Variants in IARS2 observed in about 807,000 individuals in gnomAD.
IARS2 encodes the protein isoleucine--tRNA ligase, mitochondrial.
IARS2 carries 56 observed loss-of-function variants against 126.3 expected under a neutral mutation model. That is an observed-to-expected ratio of 0.44 (90% CI 0.36 to 0.55). IARS2 has a LOEUF of 0.55. Among genes scored for constraint, IARS2 ranks in the 20% least tolerant of loss-of-function variants. The pLI, the probability that IARS2 is intolerant of heterozygous loss-of-function variation, is 0.00. For synonymous variants in IARS2, 407 were observed against 441.1 expected (o/e 0.92, Z 0.97); for missense variants, 1,127 against 1,245.9 (o/e 0.90, Z 1.44).
At chr1:220,141,070 G>C (rs1046050399) in intron 19 of IARS2, among the ~76,000 whole-genome samples, 1 of 151,982 alleles carries the variant, frequency 6.6e-6, no homozygotes, top group South Asian at 2.1e-4. Flanking sequence ...TCTGATTTGG[G>C]GCAACTTATT....
intron 1 of IARS2, among the ~76,000 whole-genome samples, chr1:220,095,432 A>G (rs538297511): frequency 5.3e-4 from 81 of 152,334 alleles, no homozygotes; most frequent in African/African-American, 1.9e-3. Context: ...TGGTTAAGTA[A>G]ATATACTTAG....
At chr1:220,113,587 CT>C (rs1656853249) in intron 11 of IARS2, among the ~76,000 whole-genome samples, 1 of 151,304 alleles carries the variant, frequency 6.6e-6, no homozygotes, top group African/African-American at 2.5e-5. Context: ...AGGAAGGGAG[CT>C]TTCTTGAGAG....
intron 13 of IARS2, among the ~76,000 whole-genome samples, chr1:220,126,106 CAAAAA>C (rs372363841): frequency 1.2e-5 from 1 of 81,464 alleles, no homozygotes; most frequent in Admixed American, 1.5e-4. Flanking sequence ...AACTCTGTCT[CAAAAA>C]AAAAAAAAAA....
intron 8 of IARS2, among the ~76,000 whole-genome samples, chr1:220,105,272 A>G (rs1041857279): frequency 6.6e-6 from 1 of 152,174 alleles, no homozygotes; most frequent in Non-Finnish European, 1.5e-5. Flanking sequence ...AGGATATTAA[A>G]GACTTCATTG....
intron 15 of IARS2, chr1:220,134,755 C>A: frequency 8.6e-5 from 21 of 244,152 alleles, no homozygotes; most frequent in South Asian, 1.7e-4. Flanking sequence ...TTATGTAGTT[C>A]TTTGTTGTTG....
intron 2 of IARS2, among the ~76,000 whole-genome samples, chr1:220,098,347 T>C (rs1017875389): frequency 6.6e-6 from 1 of 152,224 alleles, no homozygotes; most frequent in East Asian, 1.9e-4. Flanking sequence ...CTTCCTAGAA[T>C]GCATCACCAG....
Position 220,096,112 on chromosome 1 carries a change from A to T in IARS2, c.276A>T (p.Gly92=). Residue 92 remains glycine (G), a synonymous_variant, in exon 2 of 23, where the codon GGA becomes GGT. Transcript: ENST00000366922. ...DTELEIQQKC[G]FSELYSWQRE... ...TTTTTTTTTTAAAACAGAAATGTGG[A>T]TTTTCAGAACTTTATTCATGGCAAA... The T allele has an allele frequency of 6.8e-7, 1 of 1,460,362 alleles. No individual in the cohort carries two copies. The highest frequency in any genetic ancestry group is 9.5e-7 in the Non-Finnish European group (1 of 1,057,604). The allele number at this position is 1,460,362 out of a possible 1,614,324, so 90.5% of individuals were successfully genotyped here.
chr1:220,111,457 C>T (rs1248923083), intron 11 of IARS2, among the ~76,000 whole-genome samples: 1 of 151,896 alleles, frequency 6.6e-6, no homozygotes, highest in Non-Finnish European at 1.5e-5. Flanking sequence ...AAAAGAAAAA[C>T]TAACAATATG....
At chr1:220,146,275 G>C (rs1052597137) in intron 22 of IARS2, among the ~76,000 whole-genome samples, 4 of 152,134 alleles carry the variant, frequency 2.6e-5, no homozygotes, top group Non-Finnish European at 5.9e-5. Context: ...CCAGCATTTT[G>C]GGAGGCCGAG....
rs1395056481 is a variant in IARS2, at chr1:220,144,030, T to G, written c.2751+896T>G. On this transcript the variant is annotated intron_variant, in intron 21 of 22. Coordinates refer to ENST00000366922, the MANE Select transcript of IARS2 (RefSeq NM_018060.4). ...CTTCTTCATGGTCCATGATGCCAGCTGAGGTTGTCAGTACAATGAAACCAA... is the reference window on the plus strand; with the variant it reads ...CTTCTTCATGGTCCATGATGCCAGCGGAGGTTGTCAGTACAATGAAACCAA... 2.0e-6 allele frequency: 3 copies of G among 1,516,640 alleles called. No individual in the cohort carries two copies. The Admixed American group carries it at 5.0e-5, about 25-fold the overall frequency. The allele number at this position is 1,516,640 out of a possible 1,614,324, so 93.9% of individuals were successfully genotyped here.
chr1:220,124,922 T>C (rs573172518), intron 12 of IARS2, among the ~76,000 whole-genome samples: 1 of 152,312 alleles, frequency 6.6e-6, no homozygotes, highest in East Asian at 1.9e-4. Flanking sequence ...AAGGTAGAAC[T>C]GAGAGAATGT....
intron 12 of IARS2, among the ~76,000 whole-genome samples, chr1:220,124,700 C>T (rs934509325): frequency 6.6e-6 from 1 of 152,164 alleles, no homozygotes; most frequent in African/African-American, 2.4e-5. Context: ...GTGCAGATGC[C>T]TGTAAGCAGG....
chr1:220,110,013 C>T (rs1656764115), intron 10 of IARS2, among the ~76,000 whole-genome samples: 1 of 152,130 alleles, frequency 6.6e-6, no homozygotes, highest in South Asian at 2.1e-4. Flanking sequence ...CAGGAGAATC[C>T]CAGAGCACGC....
chr1:220,125,365 C>A, intron 13 of IARS2, 26 bp downstream of exon 13: 2 of 1,382,724 alleles, frequency 1.4e-6, no homozygotes, highest in Non-Finnish European at 2.1e-6. Flanking sequence ...TATTTAACAG[C>A]CTTTGTATGT....
intron 17 of IARS2, among the ~76,000 whole-genome samples, chr1:220,138,360 G>A (rs763753872): frequency 2.6e-5 from 4 of 152,024 alleles, no homozygotes; most frequent in Non-Finnish European, 5.9e-5. Context: ...AGTCCCAGCT[G>A]TTCGGGAGGC....
chr1:220,140,901 G>A (rs1037214205), intron 19 of IARS2, among the ~76,000 whole-genome samples: 8 of 149,528 alleles, frequency 5.4e-5, no homozygotes, highest in East Asian at 2.0e-4. Context: ...GGAGAATGGC[G>A]TGAACCCGGG....
chr1:220,119,981 G>C (rs1158894393), intron 12 of IARS2, among the ~76,000 whole-genome samples: 1 of 151,538 alleles, frequency 6.6e-6, no homozygotes, highest in African/African-American at 2.4e-5. Context: ...TGAACATTAA[G>C]TTTATCTTTG....
chr1:220,097,511 C>T (rs1030368226), intron 2 of IARS2, among the ~76,000 whole-genome samples: 3 of 151,660 alleles, frequency 2.0e-5, no homozygotes, highest in African/African-American at 7.3e-5. Flanking sequence ...CTACAGGCGC[C>T]TGCCACCACG....
intron 2 of IARS2, among the ~76,000 whole-genome samples, chr1:220,099,759 G>C (rs550691271): frequency 3.6e-4 from 55 of 152,232 alleles, no homozygotes; most frequent in African/African-American, 1.3e-3. Flanking sequence ...AATATACCCA[G>C]AGTAAAGTGA....
Sources: allele counts gnomAD v4.1 joint callset (sites outside exome capture counted in the v4.1 genomes callset), GRCh38; gene constraint gnomAD v4.1.1; transcripts MANE v1.5; gene names NCBI Gene and HGNC (gene_info 2026-07-23, HGNC 2026-07-21).